FGF13: variants seen among roughly 807,000 people sequenced by gnomAD.
The protein encoded by FGF13 is fibroblast growth factor 13.
FGF13 carries 2 observed loss-of-function variants against 19.5 expected under a neutral mutation model. The ratio of observed to expected loss-of-function variants is 0.10; its 90% CI spans 0.04 to 0.32. The LOEUF (loss-of-function observed/expected upper bound fraction) is 0.32, where lower values mean the gene tolerates loss of function less well. Ranked by LOEUF, FGF13 falls within the 10% of genes least tolerant of loss-of-function variation. The pLI is 1.00. For synonymous variants in FGF13, 72 were observed against 76.9 expected (o/e 0.94, Z 0.33); for missense variants, 113 against 192.7 (o/e 0.59, Z 2.45).
intron 1 of FGF13, among the ~76,000 whole-genome samples, chrX:138,895,433 A>G (rs992365843): frequency 7.1e-5 from 8 of 112,130 alleles, no homozygotes; most frequent in African/African-American, 2.6e-4. Flanking sequence ...CCCAAAGGAG[A>G]CATAAAATTG....
chrX:138,886,810 T>C (rs770718047), intron 1 of FGF13, among the ~76,000 whole-genome samples: 5 of 112,100 alleles, frequency 4.5e-5, no homozygotes, highest in South Asian at 7.5e-4. Flanking sequence ...ACTAGGCAGA[T>C]ATAAAGTCCT....
chrX:139,083,648 G>C lies in FGF13; in HGVS notation c.-113+119768C>G, dbSNP rs148927945. Reference sequence around the variant, plus strand: ...GCACTTTGGGAGGCCGAGGCAGGCAGATCAGGAGGTCAGGAGATTTGAGAC... The same window carrying C: ...GCACTTTGGGAGGCCGAGGCAGGCACATCAGGAGGTCAGGAGATTTGAGAC... On this transcript the variant is annotated intron_variant, in intron 1 of 2. Transcript: ENST00000421460. 2.1e-3 allele frequency among the ~76,000 whole-genome samples: 233 copies of C among 111,251 alleles called. 5 individuals are homozygous for C. In the East Asian group the frequency reaches 0.05, roughly 24 times the overall value.
At chrX:138,953,818 A>G (rs2124292636) in intron 1 of FGF13, among the ~76,000 whole-genome samples, 1 of 110,870 alleles carries the variant, frequency 9.0e-6, no homozygotes, top group African/African-American at 3.3e-5. Context: ...GCTAGATACA[A>G]AGGAGTTCAT....
intron 3 of FGF13, among the ~76,000 whole-genome samples, chrX:138,656,738 A>G (rs2089441515): frequency 8.9e-6 from 1 of 112,234 alleles, no homozygotes; most frequent in African/African-American, 3.2e-5. Context: ...AAAGTGTCAG[A>G]AAAGTAGGGG....
At chrX:138,658,798 G>A (rs1247456328) in intron 3 of FGF13, among the ~76,000 whole-genome samples, 2 of 111,236 alleles carry the variant, frequency 1.8e-5, no homozygotes, top group Non-Finnish European at 3.8e-5. Flanking sequence ...ACAAGTTAAG[G>A]GATGATAAAT....
intron 1 of FGF13, among the ~76,000 whole-genome samples, chrX:139,053,901 G>C (rs1372553614): frequency 9.0e-6 from 1 of 111,099 alleles, no homozygotes; most frequent in African/African-American, 3.3e-5. Context: ...TTAGGTTTAA[G>C]TCCTTAATCC....
intron 1 of FGF13, among the ~76,000 whole-genome samples, chrX:139,159,626 G>T (rs2084010486): frequency 1.0e-5 from 1 of 95,294 alleles, no homozygotes; most frequent in Admixed American, 1.1e-4. Flanking sequence ...GTGAAGGGAT[G>T]GAGGAATATT....
Position 138,628,817 on chromosome X carries a change from G to A in FGF13, c.*4033C>T, listed in dbSNP as rs2089088653. On this transcript the variant is annotated 3_prime_UTR_variant, in exon 5 of 5. Transcript: ENST00000315930. ...AATGTACTGGTTAGGGAGGGGAGGA[G>A]TGCCACAGATCACTTCCCTCTCAGT... 1 of 111,816 alleles carries A rather than the reference G, an allele frequency of 8.9e-6. No homozygotes were observed. The highest frequency in any genetic ancestry group is 1.9e-5 in the Non-Finnish European group (1 of 53,229). The allele number at this position is 111,816 out of a possible 1,213,427, so 9.2% of individuals were successfully genotyped here.
At chrX:138,921,567 A>G (rs1361956987) in intron 1 of FGF13, among the ~76,000 whole-genome samples, 2 of 111,033 alleles carry the variant, frequency 1.8e-5, no homozygotes, top group Admixed American at 1.9e-4. Flanking sequence ...CTTTCGTGGT[A>G]TTTCTGACTT....
At chrX:139,003,681 C>CGAT (rs2092085778) in intron 1 of FGF13, among the ~76,000 whole-genome samples, 1 of 110,684 alleles carries the variant, frequency 9.0e-6, no homozygotes, top group African/African-American at 3.3e-5. Flanking sequence ...TACAGAGTGT[C>CGAT]GATTGGTGCA....
At chrX:138,867,420 A>G (rs2091332596) in intron 1 of FGF13, among the ~76,000 whole-genome samples, 1 of 110,497 alleles carries the variant, frequency 9.1e-6, no homozygotes, top group Non-Finnish European at 1.9e-5. Context: ...CTCTGTCTGT[A>G]TTAGTCCATT....
intron 1 of FGF13, among the ~76,000 whole-genome samples, chrX:139,157,019 G>A (rs1306046520): frequency 1.8e-5 from 2 of 111,547 alleles, no homozygotes; most frequent in Non-Finnish European, 3.8e-5. Flanking sequence ...AGGGCAAACT[G>A]CCAATATAAG....
chrX:138,995,100 A>T (rs1282979220), intron 1 of FGF13, among the ~76,000 whole-genome samples: 1 of 110,400 alleles, frequency 9.1e-6, no homozygotes, highest in Non-Finnish European at 1.9e-5. Context: ...TTAAATTGCC[A>T]GCATTACCCC....
chrX:138,921,965 G>T (rs1476034393), intron 1 of FGF13, among the ~76,000 whole-genome samples: 1 of 55,016 alleles, frequency 1.8e-5, no homozygotes, highest in Non-Finnish European at 3.2e-5. Flanking sequence ...TTCTCCTTAT[G>T]GAACTCAAAA....
At chrX:138,770,208 C>T (rs772234224) in intron 3 of FGF13, among the ~76,000 whole-genome samples, 42 of 111,365 alleles carry the variant, frequency 3.8e-4, no homozygotes, top group Non-Finnish European at 7.0e-4. Context: ...TCAATATTTT[C>T]GGCACTGGGG....
At chrX:138,674,988 A>T (rs1055680997) in intron 3 of FGF13, among the ~76,000 whole-genome samples, 3 of 111,777 alleles carry the variant, frequency 2.7e-5, no homozygotes, top group African/African-American at 9.7e-5. Flanking sequence ...AAAGAGTTTT[A>T]TCTCCCCTTT....
At chrX:139,071,067 G>C (rs771058490) in intron 1 of FGF13, among the ~76,000 whole-genome samples, 1 of 110,666 alleles carries the variant, frequency 9.0e-6, no homozygotes, top group South Asian at 3.9e-4. Context: ...ACCATGGCAC[G>C]TATATACCTA....
At chrX:138,995,018 T>A (rs2092035598) in intron 1 of FGF13, among the ~76,000 whole-genome samples, 1 of 103,094 alleles carries the variant, frequency 9.7e-6, no homozygotes, top group Admixed American at 1.1e-4. Context: ...TTCAGTCAGG[T>A]AAACACTCAC....
At chrX:138,818,995 G>A (rs1207331938) in intron 3 of FGF13, among the ~76,000 whole-genome samples, 3 of 110,922 alleles carry the variant, frequency 2.7e-5, no homozygotes, top group African/African-American at 9.8e-5. Flanking sequence ...GACTTCTCTG[G>A]CCTCTCCCAG....
Sources: allele counts gnomAD v4.1 joint callset (sites outside exome capture counted in the v4.1 genomes callset), GRCh38; gene constraint gnomAD v4.1.1; transcripts MANE v1.5; gene names NCBI Gene and HGNC (gene_info 2026-07-23, HGNC 2026-07-21).